Variants in ZNF823 observed in about 807,000 individuals in gnomAD.
The protein encoded by ZNF823 is zinc finger protein 823.
Under a neutral mutation model 11.4 loss-of-function variants are expected in ZNF823, and 5 were observed. The observed-to-expected ratio is 0.44, with a 90% CI of 0.23 to 0.92. The LOEUF (loss-of-function observed/expected upper bound fraction) is 0.92, where lower values mean the gene tolerates loss of function less well. ZNF823 is among the 40% of genes least tolerant of loss of function. The pLI, the probability that ZNF823 is intolerant of heterozygous loss-of-function variation, is 0.24. For missense variants in ZNF823, 582 were observed against 738.5 expected, an observed-to-expected ratio of 0.79 and a Z score of 2.46; for synonymous variants, 234 against 250.5, an observed-to-expected ratio of 0.93 and a Z score of 0.62.
intron 1 of ZNF823, 65 bp from the exon 2 acceptor site, chr19:11,725,392 C>CTGCATAAACTT (rs1441541815): frequency 3.1e-6 from 5 of 1,592,596 alleles, no homozygotes; most frequent in Non-Finnish European, 4.3e-6. Context: ...TCCATACTCA[C>CTGCATAAACTT]TGCATAAACT....
At chr19:11,733,237 C>T (rs917353911) in intron 1 of ZNF823, among the ~76,000 whole-genome samples, 10 of 151,726 alleles carry the variant, frequency 6.6e-5, no homozygotes, top group East Asian at 1.9e-4. Context: ...CGTGGTGGCA[C>T]GCGCCTGTAG....
chr19:11,731,274 T>C (rs1192573341), intron 1 of ZNF823, among the ~76,000 whole-genome samples: 1 of 152,010 alleles, frequency 6.6e-6, no homozygotes, highest in African/African-American at 2.4e-5. Flanking sequence ...ATCACGCCAT[T>C]GCACTCCAGC....
chr19:11,722,037 A>G lies in ZNF823; in HGVS notation c.1497T>C (p.Tyr499=), dbSNP rs981727394. Residue 499 remains tyrosine (Y), a synonymous_variant, in exon 4 of 4, where the codon TAT becomes TAC. Transcript: ENST00000341191. This position sits in a 1 kb window ranked among gnomAD's most constrained non-coding sequence, Gnocchi z 5.2. ...HKRTHTVEKP[Y]ECKTCRKAFS... is the part of the protein sequence containing the mutation. ...AGGCTTTTCTACATGTTTTACACTC[A>G]TAAGGTTTTTCTACTGTGTGGGTCC... 3 of 1,613,644 alleles carry G rather than the reference A, an allele frequency of 1.9e-6. No homozygotes were observed. Among genetic ancestry groups the G allele is most frequent in the Admixed American group, 1.7e-5 (1 of 59,908 alleles).
At chr19:11,727,862 G>A (rs950700042) in intron 1 of ZNF823, among the ~76,000 whole-genome samples, 3 of 151,746 alleles carry the variant, frequency 2.0e-5, no homozygotes, top group African/African-American at 7.2e-5. Flanking sequence ...ACTATCCAAA[G>A]GTCTGAAACA....
intron 1 of ZNF823, among the ~76,000 whole-genome samples, chr19:11,736,600 C>A (rs975276806): frequency 2.0e-4 from 31 of 152,184 alleles, no homozygotes; most frequent in African/African-American, 7.2e-4. Context: ...CCAACTTGTT[C>A]TTGTCTCTTT....
chr19:11,732,007 C>T (rs1974904792), intron 1 of ZNF823, among the ~76,000 whole-genome samples: 4 of 97,670 alleles, frequency 4.1e-5, no homozygotes, highest in African/African-American at 1.5e-4. Context: ...GAAACTCCGT[C>T]TCAAAAAAAA....
At chr19:11,733,333 C>T (rs1287588673) in intron 1 of ZNF823, among the ~76,000 whole-genome samples, 1 of 147,248 alleles carries the variant, frequency 6.8e-6, no homozygotes, top group Non-Finnish European at 1.5e-5. Context: ...CGCCACTGCA[C>T]TCCAGCCTAG....
chr19:11,725,103 A>C, intron 2 of ZNF823, 98 bp downstream of exon 2: 1 of 1,485,708 alleles, frequency 6.7e-7, no homozygotes, highest in South Asian at 1.3e-5. Flanking sequence ...TCAAGGGTCA[A>C]CCATATCCTC....
intron 1 of ZNF823, chr19:11,726,105 T>C (rs1171319273): frequency 6.9e-6 from 1 of 144,398 alleles, no homozygotes; most frequent in African/African-American, 2.6e-5. Flanking sequence ...TAGCAAGATG[T>C]GGTGGCGCAT....
intron 2 of ZNF823, among the ~76,000 whole-genome samples, chr19:11,724,925 G>A (rs1568467032): frequency 6.6e-6 from 1 of 152,062 alleles, no homozygotes; most frequent in African/African-American, 2.4e-5. Context: ...TGACAGTACA[G>A]TATGTAATAC....
Position 11,724,158 on chromosome 19 carries a change from G to A in ZNF823, c.191+36C>T. On this transcript the variant is annotated intron_variant, in intron 3 of 3. Coordinates refer to ENST00000341191, the MANE Select transcript of ZNF823 (RefSeq NM_001080493.4). ...TTTTCTTATCATTCTATGAACCACT[G>A]CAGGGACATAGCTTTCTTTTGTGGG... 5.1e-6 allele frequency: 8 copies of A among 1,560,340 alleles called. No individual in the cohort carries two copies. In the South Asian group the frequency reaches 9.4e-5, roughly 18 times the overall value.
intron 3 of ZNF823, 52 bp downstream of exon 3, chr19:11,724,142 C>A: frequency 1.4e-6 from 2 of 1,425,430 alleles, no homozygotes; most frequent in Non-Finnish European, 1.9e-6. Flanking sequence ...ATTTTCTTAT[C>A]ATTCTATGAA....
intron 1 of ZNF823, among the ~76,000 whole-genome samples, chr19:11,735,086 C>A (rs1974967789): frequency 6.6e-6 from 1 of 151,710 alleles, no homozygotes; most frequent in African/African-American, 2.4e-5. Context: ...ACCAGCCTGG[C>A]CAACATGGTG....
chr19:11,728,027 C>T (rs529024281), intron 1 of ZNF823, among the ~76,000 whole-genome samples: 10 of 152,198 alleles, frequency 6.6e-5, no homozygotes, highest in African/African-American at 2.4e-4. Flanking sequence ...CAGGCACATG[C>T]CACCACGATT....
rs1460527127 is a variant in ZNF823, at chr19:11,721,422, T to C, written c.*279A>G. On this transcript the variant is annotated 3_prime_UTR_variant, in exon 4 of 4. Coordinates refer to ENST00000341191, the MANE Select transcript of ZNF823 (RefSeq NM_001080493.4). The stretch of plus-strand genomic sequence containing the variant: ...CTATTTACATAGCTTTTACAATGCA[T>C]GAGGTATTAAAAGTCATCTAGAGAT... 2 of 315,282 alleles carry C rather than the reference T, an allele frequency of 6.3e-6. No homozygotes were observed. Among genetic ancestry groups the C allele is most frequent in the Non-Finnish European group, 1.2e-5 (2 of 173,374 alleles). 19.5% of individuals were successfully genotyped at this position (315,282 alleles called of 1,614,324 possible).
At chr19:11,736,983 C>G (rs995254083) in intron 1 of ZNF823, among the ~76,000 whole-genome samples, 5 of 152,188 alleles carry the variant, frequency 3.3e-5, no homozygotes, top group South Asian at 2.1e-4. Context: ...TCCCACCCCA[C>G]GACATCCAGC....
intron 3 of ZNF823, among the ~76,000 whole-genome samples, chr19:11,723,676 G>A (rs1255406414): frequency 6.6e-6 from 1 of 152,184 alleles, no homozygotes. Flanking sequence ...CTCCCAAGTA[G>A]CTGGGATTAC....
rs762380538 is a variant in ZNF823, at chr19:11,724,230, A to G, written c.155T>C (p.Ile52Thr). 11 of 1,610,028 alleles carry G rather than the reference A, an allele frequency of 6.8e-6. No individual in the cohort carries two copies. Residue 52 changes from isoleucine to threonine, a missense_variant, in exon 3 of 4, where the codon ATT (isoleucine) becomes ACT (threonine). Ile to Thr is a moderately conservative substitution (Grantham distance 89, BLOSUM62 -1). Around this residue, in one of 3 missense-constraint regions of ZNF823, gnomAD observed 429 missense variants for 553.7 expected, o/e 0.77. Transcript: ENST00000341191. Reference sequence around the variant, plus strand: ...CTTGGCATTTTGGCACTGATCTCCAATGTTCTGGTCCTCCCATTTCATTTC... The same window carrying G: ...CTTGGCATTTTGGCACTGATCTCCAGTGTTCTGGTCCTCCCATTTCATTTC... ...CIEMKWEDQN[I>T]GDQCQNAKRN...
chr19:11,724,179 G>T lies in ZNF823; in HGVS notation c.191+15C>A. ...CACTGCAGGGACATAGCTTTCTTTT[G>T]TGGGTGCAAATTACCTTAGATTTCT... On this transcript the variant is annotated intron_variant, in intron 3 of 3. Coordinates refer to ENST00000341191, the MANE Select transcript of ZNF823 (RefSeq NM_001080493.4). 6.3e-7 allele frequency: 1 copy of T among 1,599,848 alleles called. No individual in the cohort carries two copies. Among genetic ancestry groups the T allele is most frequent in the Non-Finnish European group, 8.5e-7 (1 of 1,173,134 alleles).
Sources: gnomAD v4.1 joint callset for allele counts (sites outside exome capture counted in the v4.1 genomes callset) on GRCh38, gnomAD v4.1.1 for gene constraint, gnomAD v4.1.1 regional missense constraint, Gnocchi (gnomAD v3.1) non-coding constraint, MANE v1.5 for transcripts, NCBI Gene and HGNC (gene_info 2026-07-23, HGNC 2026-07-21) for gene names.